ARHGAP8: variants seen among roughly 807,000 people sequenced by gnomAD.
The protein encoded by ARHGAP8 is rho GTPase-activating protein 8.
Under a neutral mutation model 46.1 loss-of-function variants are expected in ARHGAP8, and 62 were observed. The ratio of observed to expected loss-of-function variants is 1.34; its 90% CI spans 1.10 to 1.66. The LOEUF is 1.66. Among genes scored for constraint, ARHGAP8 ranks in the 40% most tolerant of loss-of-function variants. ARHGAP8 has a pLI of 0.00. For synonymous variants in ARHGAP8, 375 were observed against 243.1 expected, an observed-to-expected ratio of 1.54 and a Z score of -5.05; for missense variants, 923 against 568.4, an observed-to-expected ratio of 1.62 and a Z score of -6.34.
At position 44,858,563 on chromosome 22, in the gene ARHGAP8, T is replaced by G. The variant is rs548758277; in HGVS notation, c.878-1168T>G. ...TTTTTTTTTTTTTTAAGTAACAGGG[T>G]TTCACCATGTTGGGTCAGGCTGGTC... On this transcript the variant is annotated intron_variant, in intron 10 of 11. Coordinates refer to ENST00000356099, the MANE Select transcript of ARHGAP8 (RefSeq NM_181335.3). Among the ~76,000 whole-genome samples the G allele has an allele frequency of 4.4e-3, 408 of 92,492 alleles. 8 individuals are homozygous for G. Among genetic ancestry groups the G allele is most frequent in the African/African-American group, 0.015 (387 of 25,486 alleles). The allele number at this position is 92,492 out of a possible 152,430, so 60.7% of individuals were successfully genotyped here. A position where few individuals can be genotyped will look rare whatever the true frequency, so the allele number is the denominator to read the frequency against.
chr22:44,848,879 G>A (rs541596509), intron 9 of ARHGAP8, 53 bp from the exon 10 acceptor site: 51 of 1,607,018 alleles, frequency 3.2e-5, no homozygotes, highest in Admixed American at 1.7e-4. Flanking sequence ...GTTCTGCAGC[G>A]GCAGTGCCCA....
rs117929765 is a variant in ARHGAP8 at position 44,862,708 on chromosome 22, C to T, written c.*113C>T. The stretch of plus-strand genomic sequence containing the variant: ...ACCAGCCATTAGATGAATTCAGAAC[C>T]TTCTAATGAAAACTCCATGCCTCTG... On this transcript the variant is annotated 3_prime_UTR_variant, in exon 12 of 12. Transcript: ENST00000356099. 16,033 of 1,318,776 alleles carry T rather than the reference C, an allele frequency of 0.012. 153 individuals carry two copies. Among genetic ancestry groups the T allele is most frequent in the Non-Finnish European group, 0.013 (13,180 of 993,044 alleles). 81.7% of individuals were successfully genotyped at this position (1,318,776 alleles called of 1,614,324 possible). A position where few individuals can be genotyped will look rare whatever the true frequency, so the allele number is the denominator to read the frequency against.
chr22:44,757,307 C>T (rs890058486), intron 1 of ARHGAP8, among the ~76,000 whole-genome samples: 1 of 149,330 alleles, frequency 6.7e-6, no homozygotes, highest in African/African-American at 2.5e-5. Context: ...GACAGAGTTT[C>T]GCTCTTGTTG....
chr22:44,833,100 T>TCTTTTCTTTTC (rs1555917130), intron 7 of ARHGAP8, among the ~76,000 whole-genome samples: 19 of 127,186 alleles, frequency 1.5e-4, no homozygotes, highest in African/African-American at 3.9e-4. Flanking sequence ...TCTTTTCTTT[T>TCTTTTCTTTTC]TTTTTTTTTT....
chr22:44,831,699 CA>C (rs35282580), intron 7 of ARHGAP8, among the ~76,000 whole-genome samples: 2 of 151,752 alleles, frequency 1.3e-5, no homozygotes, highest in African/African-American at 4.8e-5. Context: ...AAGTCATCTC[CA>C]AAAAAAGAAA....
chr22:44,860,405 T>G (rs770985480), intron 11 of ARHGAP8, among the ~76,000 whole-genome samples: 2 of 151,988 alleles, frequency 1.3e-5, no homozygotes, highest in Non-Finnish European at 2.9e-5. Flanking sequence ...TCACTCCAGC[T>G]ATGCCTCCAG....
rs1183260177 is a variant in ARHGAP8, at chr22:44,862,651, T to C, written c.*56T>C. 2 of 1,500,100 alleles carry C rather than the reference T, an allele frequency of 1.3e-6. No homozygotes were observed. The highest frequency in any genetic ancestry group is 1.8e-6 in the Non-Finnish European group (2 of 1,123,218). 92.9% of individuals were successfully genotyped at this position (1,500,100 alleles called of 1,614,324 possible). ...CCTCCCACACCTGTCTGTGCACTTGTATGTTTTGTAAACTTGGCATCTGTA... is the reference window on the plus strand; with the variant it reads ...CCTCCCACACCTGTCTGTGCACTTGCATGTTTTGTAAACTTGGCATCTGTA... On this transcript the variant is annotated 3_prime_UTR_variant, in exon 12 of 12. Transcript: ENST00000356099.
intron 6 of ARHGAP8, 85 bp downstream of exon 6, chr22:44,822,554 G>T: frequency 1.6e-6 from 2 of 1,239,644 alleles, no homozygotes; most frequent in Non-Finnish European, 1.1e-6. Context: ...AATGTTTAAG[G>T]CTTGATTTCC....
At chr22:44,759,162 G>C (rs761945981) in intron 1 of ARHGAP8, among the ~76,000 whole-genome samples, 5 of 152,202 alleles carry the variant, frequency 3.3e-5, no homozygotes, top group Non-Finnish European at 7.3e-5. Context: ...CCCTCTGCTT[G>C]TTCTTTTATT....
At chr22:44,841,103 C>T (rs1352242440) in intron 7 of ARHGAP8, among the ~76,000 whole-genome samples, 2 of 152,202 alleles carry the variant, frequency 1.3e-5, no homozygotes, top group African/African-American at 4.8e-5. Flanking sequence ...GCGTGTGTGC[C>T]TGCCTGGCAG....
chr22:44,857,759 C>G (rs548883790), intron 10 of ARHGAP8, among the ~76,000 whole-genome samples: 6 of 152,266 alleles, frequency 3.9e-5, no homozygotes, highest in South Asian at 2.1e-4. Context: ...CTCCCACATG[C>G]AAGCTGTGTG....
At chr22:44,814,492 G>A (rs572848861) in intron 4 of ARHGAP8, among the ~76,000 whole-genome samples, 180 bp from the exon 5 acceptor site, 1 of 152,334 alleles carries the variant, frequency 6.6e-6, no homozygotes, top group African/African-American at 2.4e-5. Flanking sequence ...GGGGCAGCAG[G>A]TGAGGGGTCC....
At chr22:44,791,041 T>C (rs975464591) in intron 2 of ARHGAP8, among the ~76,000 whole-genome samples, 2 of 152,038 alleles carry the variant, frequency 1.3e-5, no homozygotes, top group African/African-American at 2.4e-5. Context: ...AACTTGGCCT[T>C]CTTCTTCAAT....
chr22:44,830,542 A>G (rs896262714), intron 7 of ARHGAP8, among the ~76,000 whole-genome samples: 1 of 148,264 alleles, frequency 6.7e-6, no homozygotes, highest in Non-Finnish European at 1.5e-5. Flanking sequence ...TATTTATTTT[A>G]GTTTTGTTTT....
chr22:44,814,648 G>A, intron 4 of ARHGAP8, 24 bp from the exon 5 acceptor site: 2 of 1,609,184 alleles, frequency 1.2e-6, no homozygotes, highest in Non-Finnish European at 1.7e-6. Context: ...GCAGCCTGAA[G>A]TCATCCCCCG....
In ARHGAP8 at chr22:44,808,187, T is replaced by C. The variant is rs78535387; in HGVS notation, c.168-120T>C. ...ACCGGGGCCCACGGTGCATGGAGTC[T>C]CCATGTGGCCCGGTGCTGGCACCTA... On this transcript the variant is annotated intron_variant, in intron 3 of 11. Transcript: ENST00000356099. The C allele has an allele frequency of 2.0e-3, 2,884 of 1,473,232 alleles. 84 individuals are homozygous for C. In the East Asian group the frequency reaches 0.042, roughly 21 times the overall value. The allele number at this position is 1,473,232 out of a possible 1,614,324, so 91.3% of individuals were successfully genotyped here.
In ARHGAP8 at chr22:44,859,488, A is replaced by G. The variant is rs146538102; in HGVS notation, c.878-243A>G. Among the ~76,000 whole-genome samples the G allele has an allele frequency of 1.8e-3, 271 of 152,298 alleles. 2 individuals carry two copies. Among genetic ancestry groups the G allele is most frequent in the African/African-American group, 6.3e-3 (261 of 41,522 alleles). On this transcript the variant is annotated intron_variant, in intron 10 of 11. Coordinates refer to ENST00000356099, the MANE Select transcript of ARHGAP8 (RefSeq NM_181335.3). ...CTGGTGCCATGCTTGTACAGCCTGT[A>G]GAACCATGAGCCAGTTAAACCTCTT...
At chr22:44,833,096 C>CTTTTCTTTTCTTTTCTTTTTTT (rs535842585) in intron 7 of ARHGAP8, among the ~76,000 whole-genome samples, 1 of 120,432 alleles carries the variant, frequency 8.3e-6, no homozygotes, top group Non-Finnish European at 1.7e-5. Flanking sequence ...CTTTTCTTTT[C>CTTTTCTTTTCTTTTCTTTTTTT]TTTTTTTTTT....
intron 7 of ARHGAP8, among the ~76,000 whole-genome samples, chr22:44,830,828 C>T (rs930713602): frequency 3.3e-5 from 5 of 152,142 alleles, no homozygotes; most frequent in African/African-American, 1.2e-4. Flanking sequence ...CGTGAGCCAC[C>T]GCGCCTGGCC....
Sources: allele counts gnomAD v4.1 joint callset (sites outside exome capture counted in the v4.1 genomes callset), GRCh38; gene constraint gnomAD v4.1.1; transcripts MANE v1.5; gene names NCBI Gene and HGNC (gene_info 2026-07-23, HGNC 2026-07-21).